ELP1: variants seen among roughly 807,000 people sequenced by gnomAD.
The protein encoded by ELP1 is elongator acetyltransferase complex subunit 1, also known as elongator complex protein 1.
A neutral mutation model predicts 183.2 loss-of-function variants in ELP1; 131 were observed. That is an observed-to-expected ratio of 0.72 (90% CI 0.62 to 0.83). The LOEUF is 0.83. ELP1 is among the 40% of genes least tolerant of loss of function. The pLI is 0.00. For missense variants in ELP1, 1,550 were observed against 1,594.9 expected, an observed-to-expected ratio of 0.97 and a Z score of 0.48; for synonymous variants, 555 against 569.0, an observed-to-expected ratio of 0.98 and a Z score of 0.35.
chr9:108,899,856 G>T lies in ELP1; in HGVS notation c.2170C>A (p.Leu724Met). 1 of 1,614,068 alleles carries T rather than the reference G, an allele frequency of 6.2e-7. No homozygotes were observed. Among genetic ancestry groups the T allele is most frequent in the Non-Finnish European group, 8.5e-7 (1 of 1,179,980 alleles). ...GNLEVVHHRA[L>M]VLAQIRKWLD... is the part of the protein sequence containing the mutation. ...CACTTCCGAATCTGAGCTAAAACCA[G>T]GGCTCGATGATGAACAACTTCTAAG... Residue 724 changes from leucine to methionine, a missense_variant, in exon 20 of 37, where the codon CTG becomes ATG. By Grantham distance (15) the Leu-to-Met change is conservative. Transcript: ENST00000374647.
chr9:108,881,911 C>A, intron 30 of ELP1, 146 bp from the exon 31 acceptor site: 1 of 691,362 alleles, frequency 1.4e-6, no homozygotes, highest in Non-Finnish European at 2.5e-6. Context: ...CAAGGAAATT[C>A]AATTCATTTC....
intron 35 of ELP1, among the ~76,000 whole-genome samples, chr9:108,876,910 T>C (rs183068494): frequency 2.6e-5 from 4 of 152,244 alleles, no homozygotes; most frequent in Middle Eastern, 3.4e-3. Context: ...TTTGTATTTT[T>C]AGTAGAGACG....
At chr9:108,903,525 T>C in intron 15 of ELP1, 38 bp downstream of exon 15, 1 of 1,301,760 alleles carries the variant, frequency 7.7e-7, no homozygotes, top group Non-Finnish European at 1.1e-6. Context: ...AGCATCTATG[T>C]AAGTCATAAC....
rs774890086 is a variant in ELP1 at position 108,912,298 on chromosome 9, TG to T, written c.1154del (p.Ser385Ter). On this transcript the variant is annotated frameshift_variant, in exon 11 of 37. Coordinates refer to ENST00000374647, the MANE Select transcript of ELP1 (RefSeq NM_003640.5). LOFTEE classifies it high-confidence loss of function. The part of the protein sequence containing the change: ...WTTDRSVGDN[S>X]SDLSNVAVID... The stretch of plus-strand genomic sequence containing the variant: ...TGACAGCCACATTGGACAAGTCACT[TG>T]AATTATCTCCCACGCTCCGGTCAGT... The T allele has an allele frequency of 6.2e-7, 1 of 1,614,176 alleles. No homozygotes were observed. The highest frequency in any genetic ancestry group is 8.5e-7 in the Non-Finnish European group (1 of 1,180,014).
Position 108,878,016 on chromosome 9 carries a change from G to A in ELP1, c.3834C>T (p.Tyr1278=), listed in dbSNP as rs755563190. Residue 1278 remains tyrosine (Y), a synonymous_variant, in exon 35 of 37, where the codon TAC becomes TAT. Coordinates refer to ENST00000374647, the MANE Select transcript of ELP1 (RefSeq NM_003640.5). The part of the protein sequence containing the change: ...RSLPEIWTLT[Y]QQNSATPVLG... ...TTACCGGGGTAGCTGAATTCTGCTG[G>A]TAAGTAAGAGTCCAAATTTCTGGAA... 4 of 1,614,070 alleles carry A rather than the reference G, an allele frequency of 2.5e-6. No individual in the cohort carries two copies. In the African/African-American group the frequency reaches 5.3e-5, roughly 22 times the overall value.
At chr9:108,928,790 A>G (rs16913713) in intron 3 of ELP1, among the ~76,000 whole-genome samples, 9,117 of 152,242 alleles carry the variant, frequency 0.06, 931 homozygotes, top group African/African-American at 0.21. Context: ...AAATACGAAA[A>G]AAAAACAAGC....
intron 5 of ELP1, among the ~76,000 whole-genome samples, chr9:108,923,753 T>C (rs941199441): frequency 6.6e-6 from 1 of 152,226 alleles, no homozygotes; most frequent in East Asian, 1.9e-4. Flanking sequence ...ACTGGGGTTC[T>C]TTCTAGATCG....
At chr9:108,905,506 A>T (rs1299261287) in intron 14 of ELP1, among the ~76,000 whole-genome samples, 1 of 152,224 alleles carries the variant, frequency 6.6e-6, no homozygotes, top group African/African-American at 2.4e-5. Context: ...TTCAGCAAAG[A>T]AGAATAGAGA....
chr9:108,885,323 A>G (rs1389956120), intron 29 of ELP1, among the ~76,000 whole-genome samples: 1 of 152,152 alleles, frequency 6.6e-6, no homozygotes, highest in Non-Finnish European at 1.5e-5. Flanking sequence ...ATCTAGAATG[A>G]AAGACAGGAC....
chr9:108,905,090 G>C (rs1323603263), intron 14 of ELP1, among the ~76,000 whole-genome samples: 1 of 152,136 alleles, frequency 6.6e-6, no homozygotes, highest in African/African-American at 2.4e-5. Context: ...CATATTTCTA[G>C]AACATATTCT....
At position 108,911,078 on chromosome 9, in the gene ELP1, G is replaced by A. The variant is rs1332564048; in HGVS notation, c.1292C>T (p.Ala431Val). The change falls in exon 12 of 37, where the codon GCA (alanine) becomes GTA (valine). Residue 431 changes from alanine to valine, a missense_variant. By Grantham distance (64) the Ala-to-Val change is moderately conservative (BLOSUM62 0). Transcript: ENST00000374647. ...PHPVNQVTFL[A>V]HPQKSNDLAV... Reference sequence around the variant, plus strand: ...AAGGTCATTACTCTTTTGAGGGTGTGCTAAGAATGTGACTTGATTCACAGG... The same window carrying A: ...AAGGTCATTACTCTTTTGAGGGTGTACTAAGAATGTGACTTGATTCACAGG... The A allele has an allele frequency of 2.5e-6, 4 of 1,613,940 alleles. No individual in the cohort carries two copies. Among genetic ancestry groups the A allele is most frequent in the Non-Finnish European group, 3.4e-6 (4 of 1,179,962 alleles).
intron 6 of ELP1, 21 bp downstream of exon 6, chr9:108,922,821 T>C (rs754109933): frequency 6.3e-6 from 10 of 1,592,792 alleles, no homozygotes; most frequent in Non-Finnish European, 7.8e-6. Flanking sequence ...CAAGGCTTTT[T>C]ATCCATCAAA....
chr9:108,880,292 G>A lies in ELP1; in HGVS notation c.3347-127C>T, dbSNP rs921868292. ...AAAGAGGTTACTAGGTTTTCCAAGC[G>A]AGCTCTTTTTCCTTAATAAGCATTA... On this transcript the variant is annotated intron_variant, in intron 31 of 36. Transcript: ENST00000374647. 1.2e-4 allele frequency: 87 copies of A among 700,194 alleles called. 1 individual carries two copies. Among genetic ancestry groups the A allele is most frequent in the South Asian group, 8.6e-4 (56 of 65,316 alleles). The allele number at this position is 700,194 out of a possible 1,614,324, so 43.4% of individuals were successfully genotyped here. A position where few individuals can be genotyped will look rare whatever the true frequency, so the allele number is the denominator to read the frequency against.
rs1827336286 is a variant in ELP1, at chr9:108,869,017, A to C, written c.*98T>G. On this transcript the variant is annotated 3_prime_UTR_variant, in exon 37 of 37. Coordinates refer to ENST00000374647, the MANE Select transcript of ELP1 (RefSeq NM_003640.5). ...GGTAAGTTATCATTTTACTCTTTCCAGTTCTCAATAGCCAGCCCTCAAAGA... is the reference window on the plus strand; with the variant it reads ...GGTAAGTTATCATTTTACTCTTTCCCGTTCTCAATAGCCAGCCCTCAAAGA... 2.0e-6 allele frequency: 2 copies of C among 991,968 alleles called. No homozygotes were observed. The highest frequency in any genetic ancestry group is 3.3e-6 in the Non-Finnish European group (2 of 612,574). 61.4% of individuals were successfully genotyped at this position (991,968 alleles called of 1,614,324 possible).
intron 8 of ELP1, 58 bp downstream of exon 8, chr9:108,918,753 G>A (rs1295088456): frequency 1.2e-5 from 14 of 1,178,964 alleles, no homozygotes; most frequent in Non-Finnish European, 1.5e-5. Flanking sequence ...GTATCCATGT[G>A]TACCACCACC....
At chr9:108,899,142 CA>C (rs144019669) in intron 20 of ELP1, among the ~76,000 whole-genome samples, 14 of 146,524 alleles carry the variant, frequency 9.6e-5, no homozygotes, top group Admixed American at 2.0e-4. Context: ...ACTGAAAATA[CA>C]AAAAAAAAAA....
At chr9:108,888,716 T>A (rs907533086) in intron 29 of ELP1, among the ~76,000 whole-genome samples, 4 of 152,210 alleles carry the variant, frequency 2.6e-5, no homozygotes, top group African/African-American at 9.6e-5. Flanking sequence ...TTAAGTTACA[T>A]AAATGTGCTA....
intron 34 of ELP1, 112 bp from the exon 35 acceptor site, chr9:108,878,261 T>C: frequency 1.2e-6 from 1 of 849,006 alleles, no homozygotes; most frequent in Non-Finnish European, 1.9e-6. Context: ...CTGCAGGTCC[T>C]TTCTCCCACA....
intron 36 of ELP1, among the ~76,000 whole-genome samples, chr9:108,869,575 A>C (rs2118908258): frequency 6.6e-6 from 1 of 152,344 alleles, no homozygotes; most frequent in African/African-American, 2.4e-5. Flanking sequence ...AGGAATAGCA[A>C]AATGTGATAG....
Sources: gnomAD v4.1 joint callset for allele counts (sites outside exome capture counted in the v4.1 genomes callset) on GRCh38, gnomAD v4.1.1 for gene constraint, MANE v1.5 for transcripts, NCBI Gene and HGNC (gene_info 2026-07-23, HGNC 2026-07-21) for gene names.